Variants in ZSWIM5 observed in about 807,000 individuals in gnomAD.
ZSWIM5 encodes zinc finger SWIM-type containing 5, also known as zinc finger SWIM domain-containing protein 5.
In ZSWIM5, 55 loss-of-function variants were observed where a neutral mutation model predicts 119.6. The ratio of observed to expected loss-of-function variants is 0.46; its 90% CI spans 0.37 to 0.58. ZSWIM5 has a LOEUF of 0.58. Among genes scored for constraint, ZSWIM5 ranks in the 20% least tolerant of loss-of-function variants. The probability of loss-of-function intolerance (pLI) is 0.00; values close to 1 mark genes in which losing one functional copy is unlikely to be tolerated. For missense variants in ZSWIM5, 1,193 were observed against 1,512.8 expected, an observed-to-expected ratio of 0.79 and a Z score of 3.51; for synonymous variants, 537 against 606.9, an observed-to-expected ratio of 0.88 and a Z score of 1.69.
Position 45,110,635 on chromosome 1 carries a change from C to A in ZSWIM5, c.596-22398G>T, listed in dbSNP as rs58030745. On this transcript the variant is annotated intron_variant, in intron 1 of 13. Transcript: ENST00000359600. The stretch of plus-strand genomic sequence containing the variant: ...TGGACCACACAGTAGAATCCTATTC[C>A]CTGTGCCAAAATATTATGCCAGGTA... Among the ~76,000 whole-genome samples the A allele has an allele frequency of 6.8e-3, 1,038 of 152,240 alleles. 11 individuals are homozygous for A. The highest frequency in any genetic ancestry group is 0.022 in the African/African-American group (927 of 41,528).
chr1:45,168,385 A>T (rs1477515649), intron 1 of ZSWIM5, among the ~76,000 whole-genome samples: 3 of 152,022 alleles, frequency 2.0e-5, no homozygotes, highest in Admixed American at 2.0e-4. Context: ...AATGTAAATG[A>T]CGAGTTAATG....
chr1:45,058,897 G>A, intron 3 of ZSWIM5, 138 bp from the exon 4 acceptor site: 1 of 924,124 alleles, frequency 1.1e-6, no homozygotes, highest in South Asian at 1.6e-5. Context: ...AAGGCCTCTT[G>A]TTCTGTAAGC....
At chr1:45,205,632 G>C in intron 1 of ZSWIM5, 124 bp downstream of exon 1, 1 of 1,051,930 alleles carries the variant, frequency 9.5e-7, no homozygotes, top group Non-Finnish European at 1.2e-6. Flanking sequence ...TGACTTGTTC[G>C]TCCTTCGGCA....
intron 9 of ZSWIM5, 90 bp from the exon 10 acceptor site, chr1:45,035,913 A>C (rs962784478): frequency 6.3e-7 from 1 of 1,580,028 alleles, no homozygotes; most frequent in African/African-American, 1.4e-5. Flanking sequence ...CATGTTTGCT[A>C]ATCATGGGAA....
chr1:45,116,053 G>A (rs575095331), intron 1 of ZSWIM5, among the ~76,000 whole-genome samples: 15 of 152,136 alleles, frequency 9.9e-5, no homozygotes, highest in African/African-American at 3.4e-4. Context: ...CCGAGATGGC[G>A]GCAGTACAGT....
intron 1 of ZSWIM5, among the ~76,000 whole-genome samples, chr1:45,102,667 CAT>C (rs1357091719): frequency 6.6e-6 from 1 of 152,114 alleles, no homozygotes; most frequent in Non-Finnish European, 1.5e-5. Flanking sequence ...GAATCTTTTA[CAT>C]ATTTATATCT....
intron 1 of ZSWIM5, among the ~76,000 whole-genome samples, chr1:45,142,484 T>C (rs775858707): frequency 1.2e-4 from 18 of 152,238 alleles, no homozygotes; most frequent in Non-Finnish European, 1.8e-4. Flanking sequence ...CCCTAGTAGC[T>C]TGGACCACAG....
intron 11 of ZSWIM5, among the ~76,000 whole-genome samples, chr1:45,024,189 TTTC>T (rs1644906261): frequency 2.0e-5 from 2 of 100,814 alleles, no homozygotes; most frequent in African/African-American, 3.1e-5. Flanking sequence ...TTTCTTTTCT[TTTC>T]TTTTTTTTTT....
chr1:45,060,013 T>TG, intron 3 of ZSWIM5, 86 bp downstream of exon 3: 1 of 1,487,850 alleles, frequency 6.7e-7, no homozygotes, highest in South Asian at 1.2e-5. Context: ...CTAGGTATAA[T>TG]GCATGAAGCC....
At chr1:45,058,531 A>G in intron 4 of ZSWIM5, 78 bp downstream of exon 4, 1 of 1,563,674 alleles carries the variant, frequency 6.4e-7, no homozygotes, top group South Asian at 1.2e-5. Flanking sequence ...GCAACGACTG[A>G]TGGCAAGGGC....
At chr1:45,136,314 A>T (rs567662095) in intron 1 of ZSWIM5, among the ~76,000 whole-genome samples, 55 of 152,266 alleles carry the variant, frequency 3.6e-4, no homozygotes, top group African/African-American at 1.3e-3. Flanking sequence ...AATACATCAA[A>T]TTCATAATAT....
Position 45,017,736 on chromosome 1 carries a change from G to A in ZSWIM5, c.*718C>T, listed in dbSNP as rs1644863756. ...CAGGCTCCTGAAGAGGCTGTGTGAG[G>A]CAGGAGCTTCAATGTCCTCACAGTT... On this transcript the variant is annotated 3_prime_UTR_variant, in exon 14 of 14. Transcript: ENST00000359600. 1 of 152,270 alleles carries A rather than the reference G, an allele frequency of 6.6e-6. No individual in the cohort carries two copies. Among genetic ancestry groups the A allele is most frequent in the African/African-American group, 2.4e-5 (1 of 41,450 alleles). 9.4% of individuals were successfully genotyped at this position (152,270 alleles called of 1,614,324 possible).
chr1:45,183,929 G>C (rs1036052023), intron 1 of ZSWIM5, among the ~76,000 whole-genome samples: 1 of 152,044 alleles, frequency 6.6e-6, no homozygotes, highest in Non-Finnish European at 1.5e-5. Context: ...TACCAAAGCC[G>C]GGCAGAGACA....
intron 1 of ZSWIM5, among the ~76,000 whole-genome samples, chr1:45,127,167 GAC>G (rs1412838130): frequency 6.6e-6 from 1 of 152,058 alleles, no homozygotes; most frequent in Non-Finnish European, 1.5e-5. Flanking sequence ...AGTACACCAT[GAC>G]CAAGTAGAAT....
intron 1 of ZSWIM5, among the ~76,000 whole-genome samples, chr1:45,148,524 G>A (rs1645776953): frequency 6.6e-6 from 1 of 151,744 alleles, no homozygotes; most frequent in South Asian, 2.1e-4. Flanking sequence ...ACCAATTTAG[G>A]CTGAAATAAT....
Position 45,018,442 on chromosome 1 carries a change from C to A in ZSWIM5, c.*12G>T, listed in dbSNP as rs1253546240. 2 of 1,609,408 alleles carry A rather than the reference C, an allele frequency of 1.2e-6. No individual in the cohort carries two copies. Among genetic ancestry groups the A allele is most frequent in the Non-Finnish European group, 1.7e-6 (2 of 1,177,226 alleles). ...GAACCCAGGCTGCTCTGGCAGTGAG[C>A]TATCTGCTCTCTCAGCCAAAGCGCT... On this transcript the variant is annotated 3_prime_UTR_variant, in exon 14 of 14. Transcript: ENST00000359600. This position sits in a 1 kb window ranked among gnomAD's most constrained non-coding sequence, Gnocchi z 6.7.
chr1:45,094,007 G>C (rs1381626861), intron 1 of ZSWIM5, among the ~76,000 whole-genome samples: 1 of 147,146 alleles, frequency 6.8e-6, no homozygotes, highest in Admixed American at 6.9e-5. Context: ...ACTATGCCTG[G>C]CTAATTTTTA....
chr1:45,145,273 CACTT>C (rs1194791133), intron 1 of ZSWIM5, among the ~76,000 whole-genome samples: 1 of 151,324 alleles, frequency 6.6e-6, no homozygotes, highest in Non-Finnish European at 1.5e-5. Context: ...GTTAAATATA[CACTT>C]ACTTACCATA....
At chr1:45,157,936 A>G (rs559955357) in intron 1 of ZSWIM5, among the ~76,000 whole-genome samples, 6 of 152,052 alleles carry the variant, frequency 3.9e-5, no homozygotes, top group South Asian at 4.2e-4. Flanking sequence ...ATGTTTTTTC[A>G]TGTGTTTAAT....
Sources: allele counts gnomAD v4.1 joint callset (sites outside exome capture counted in the v4.1 genomes callset), GRCh38; gene constraint gnomAD v4.1.1; non-coding constraint Gnocchi (gnomAD v3.1); transcripts MANE v1.5; gene names NCBI Gene and HGNC (gene_info 2026-07-23, HGNC 2026-07-21).